Variants in SLC35F2 observed in about 807,000 individuals in gnomAD.
SLC35F2 encodes the protein queuine/queuosine transporter SLC35F2.
Under a neutral mutation model 38.1 loss-of-function variants are expected in SLC35F2, and 25 were observed. That is an observed-to-expected ratio of 0.66 (90% CI 0.48 to 0.92). SLC35F2 has a LOEUF of 0.92. Among genes scored for constraint, SLC35F2 ranks in the 40% least tolerant of loss-of-function variants. SLC35F2 has a pLI of 0.00. For synonymous variants in SLC35F2, 173 were observed against 181.7 expected, an observed-to-expected ratio of 0.95 and a Z score of 0.38; for missense variants, 409 against 452.9, an observed-to-expected ratio of 0.90 and a Z score of 0.88.
chr11:107,819,042 C>T (rs1859629177), intron 1 of SLC35F2, among the ~76,000 whole-genome samples: 1 of 152,154 alleles, frequency 6.6e-6, no homozygotes, highest in Non-Finnish European at 1.5e-5. Flanking sequence ...CTCAGGATGA[C>T]CTGATGGGAG....
At chr11:107,858,588 T>C (rs1434530400) in intron 1 of SLC35F2, 70 bp downstream of exon 1, 3 of 1,223,166 alleles carry the variant, frequency 2.5e-6, no homozygotes, top group African/African-American at 1.6e-5. Flanking sequence ...GTGCTCCTTG[T>C]CCACGTGCGC....
rs757807445 is a variant in SLC35F2 at position 107,806,765 on chromosome 11, C to T, written c.526G>A (p.Gly176Arg). 6.2e-7 allele frequency: 1 copy of T among 1,614,092 alleles called. No homozygotes were observed. Among genetic ancestry groups the T allele is most frequent in the Non-Finnish European group, 8.5e-7 (1 of 1,179,966 alleles). The change falls in exon 4 of 8, where the codon GGA (glycine) becomes AGA (arginine). Residue 176 changes from glycine (G) to arginine (R), a missense_variant. Physicochemically the swap from Gly to Arg is moderately radical, Grantham distance 125 (BLOSUM62 -2). Transcript: ENST00000525815. ...IAVAVCLLGVGTMVGADILAG... is the reference protein window; with the variant it reads ...IAVAVCLLGVRTMVGADILAG... The stretch of plus-strand genomic sequence containing the variant: ...AGTATGTCTGCACCAACCATGGTTC[C>T]TACACCCAACAGACAGACAGCCACG...
chr11:107,849,641 GAAA>G (rs59636290), intron 1 of SLC35F2, among the ~76,000 whole-genome samples: 4,690 of 138,510 alleles, frequency 0.034, 243 homozygotes, highest in African/African-American at 0.11. Flanking sequence ...TCCGTTTTGG[GAAA>G]AAAAAAAAAA....
chr11:107,849,729 A>G (rs1161556834), intron 1 of SLC35F2, among the ~76,000 whole-genome samples: 1 of 152,076 alleles, frequency 6.6e-6, no homozygotes, highest in Non-Finnish European at 1.5e-5. Context: ...ACAGGGAATA[A>G]GCACTGACTT....
intron 1 of SLC35F2, among the ~76,000 whole-genome samples, chr11:107,841,828 G>C (rs539312549): frequency 6.6e-6 from 1 of 151,878 alleles, no homozygotes. Flanking sequence ...AAAAATTAAG[G>C]CCGAGGCGAG....
At chr11:107,795,594 T>A (rs1859205139) in intron 7 of SLC35F2, among the ~76,000 whole-genome samples, 1 of 152,022 alleles carries the variant, frequency 6.6e-6, no homozygotes. Flanking sequence ...ATAACCAGAG[T>A]ATACAAGTAA....
At chr11:107,804,892 G>T in intron 5 of SLC35F2, 122 bp from the exon 6 acceptor site, 1 of 1,166,834 alleles carries the variant, frequency 8.6e-7, no homozygotes, top group Non-Finnish European at 1.2e-6. Context: ...ATTTGTCTTA[G>T]AATATAAAAA....
At chr11:107,848,740 C>T (rs546122008) in intron 1 of SLC35F2, among the ~76,000 whole-genome samples, 2 of 152,260 alleles carry the variant, frequency 1.3e-5, no homozygotes, top group Admixed American at 6.5e-5. Flanking sequence ...AACTATAAAA[C>T]GATCAATAGC....
chr11:107,825,583 CT>C (rs1859742691), intron 1 of SLC35F2, among the ~76,000 whole-genome samples: 1 of 152,000 alleles, frequency 6.6e-6, no homozygotes, highest in Non-Finnish European at 1.5e-5. Flanking sequence ...GTTGGTCAGG[CT>C]GGTCTCAAAC....
At chr11:107,850,350 A>G (rs556039082) in intron 1 of SLC35F2, among the ~76,000 whole-genome samples, 1 of 152,304 alleles carries the variant, frequency 6.6e-6, no homozygotes, top group South Asian at 2.1e-4. Flanking sequence ...GTAGCAGGTA[A>G]AAACAATAGA....
chr11:107,821,464 C>T lies in SLC35F2; in HGVS notation c.111-5499G>A, dbSNP rs1044027112. 2.0e-5 allele frequency: 20 copies of T among 985,048 alleles called. No homozygotes were observed. The South Asian group carries it at 6.6e-4, about 32-fold the overall frequency. The allele number at this position is 985,048 out of a possible 1,614,324, so 61.0% of individuals were successfully genotyped here. A position where few individuals can be genotyped will look rare whatever the true frequency, so the allele number is the denominator to read the frequency against. ...AGCAAGAGTGAGAGAGAAAAGCTGG[C>T]GGGGAGGGGGTAGGAAATTGAGCAA... is the stretch of plus-strand genomic sequence containing the variant. On this transcript the variant is annotated intron_variant, in intron 1 of 7. Transcript: ENST00000525815.
intron 1 of SLC35F2, among the ~76,000 whole-genome samples, chr11:107,857,754 C>CAGGA (rs1860316281): frequency 6.6e-6 from 1 of 152,146 alleles, no homozygotes; most frequent in Admixed American, 6.6e-5. Context: ...GTTTAGACTA[C>CAGGA]GGCTTGAACG....
At chr11:107,804,954 GAT>G in intron 5 of SLC35F2, 184 bp from the exon 6 acceptor site, 3 of 774,666 alleles carry the variant, frequency 3.9e-6, no homozygotes, top group Non-Finnish European at 4.7e-6. Flanking sequence ...AGTTCATAAA[GAT>G]ATGTTTGACT....
rs148456603 is a variant in SLC35F2 at position 107,792,874 on chromosome 11, C to G, written c.940-74G>C. Reference sequence around the variant, plus strand: ...TTGCTGCTGGCTTTTGCCAACTGTGCTTCGAGGATTACCCTCTCATAATCT... The same window carrying G: ...TTGCTGCTGGCTTTTGCCAACTGTGGTTCGAGGATTACCCTCTCATAATCT... On this transcript the variant is annotated intron_variant, in intron 7 of 7. Coordinates refer to ENST00000525815, the MANE Select transcript of SLC35F2 (RefSeq NM_017515.5). 32 of 1,441,630 alleles carry G rather than the reference C, an allele frequency of 2.2e-5. No homozygotes were observed. The African/African-American group carries it at 4.2e-4, about 19-fold the overall frequency. The allele number at this position is 1,441,630 out of a possible 1,614,324, so 89.3% of individuals were successfully genotyped here.
intron 7 of SLC35F2, 104 bp from the exon 8 acceptor site, chr11:107,792,904 ATTTTCTTTCTTTC>A: frequency 7.6e-7 from 1 of 1,323,336 alleles, no homozygotes; most frequent in Non-Finnish European, 9.6e-7. Context: ...TAATCTTTTT[ATTTTCTTTCTTTC>A]TTTCTTTCTT....
rs759827269 is a variant in SLC35F2 at position 107,792,764 on chromosome 11, T to C, written c.976A>G (p.Met326Val). Residue 326 changes from methionine to valine, a missense_variant, in exon 8 of 8, where the codon ATG (methionine) becomes GTG (valine). Coordinates refer to ENST00000525815, the MANE Select transcript of SLC35F2 (RefSeq NM_017515.5). ...GLYILSFTVI[M>V]VGFILYCSTP... Reference sequence around the variant, plus strand: ...GAGCAGTACAGGATAAACCCCACCATGATGACAGTGAAGGACAGGATGTAG... The same window carrying C: ...GAGCAGTACAGGATAAACCCCACCACGATGACAGTGAAGGACAGGATGTAG... 18 of 1,603,450 alleles carry C rather than the reference T, an allele frequency of 1.1e-5. 1 individual carries two copies. Among genetic ancestry groups the C allele is most frequent in the Middle Eastern group, 1.7e-4 (1 of 6,054 alleles).
chr11:107,837,525 T>TAAAAAAA (rs57873203), intron 1 of SLC35F2, among the ~76,000 whole-genome samples: 1 of 121,822 alleles, frequency 8.2e-6, no homozygotes, highest in African/African-American at 3.1e-5. Context: ...CTGTCTCTAC[T>TAAAAAAA]AAAAAAAAAA....
chr11:107,855,362 C>T (rs949636812), intron 1 of SLC35F2, among the ~76,000 whole-genome samples: 4 of 152,130 alleles, frequency 2.6e-5, no homozygotes, highest in African/African-American at 9.7e-5. Context: ...TGTTAAAGAA[C>T]TTCGTCCATG....
intron 1 of SLC35F2, among the ~76,000 whole-genome samples, chr11:107,838,482 G>A (rs927898417): frequency 8.6e-5 from 13 of 151,476 alleles, no homozygotes; most frequent in African/African-American, 2.2e-4. Flanking sequence ...CCGCCACCAC[G>A]CCCAGCTAAT....
Sources: gnomAD v4.1 joint callset for allele counts (sites outside exome capture counted in the v4.1 genomes callset) on GRCh38, gnomAD v4.1.1 for gene constraint, MANE v1.5 for transcripts, NCBI Gene and HGNC (gene_info 2026-07-23, HGNC 2026-07-21) for gene names.